The following GPC5 variants were observed in gnomAD, a reference collection of about 807,000 sequenced individuals.
The protein encoded by GPC5 is glypican-5.
In GPC5, 47 loss-of-function variants were observed where a neutral mutation model predicts 53.9. The ratio of observed to expected loss-of-function variants is 0.87; its 90% confidence interval spans 0.69 to 1.11. GPC5 has a LOEUF of 1.11. Ranked by LOEUF, GPC5 falls within the 50% of genes most tolerant of loss-of-function variation. The pLI is 0.00. For missense variants in GPC5, 748 were observed against 713.1 expected (o/e 1.05, Z -0.56); for synonymous variants, 286 against 263.3 (o/e 1.09, Z -0.84).
chr13:92,220,492 A>G (rs1379682064), intron 7 of GPC5, among the ~76,000 whole-genome samples: 2 of 152,216 alleles, frequency 1.3e-5, no homozygotes, highest in East Asian at 1.9e-4. Context: ...GTGAATCAAT[A>G]TAAGTCTAGG....
intron 2 of GPC5, among the ~76,000 whole-genome samples, chr13:91,452,712 A>C (rs1028321171): frequency 6.6e-6 from 1 of 152,088 alleles, no homozygotes; most frequent in African/African-American, 2.4e-5. Flanking sequence ...TATCCAGCTT[A>C]TATATTTTTC....
At chr13:91,927,273 G>A in intron 6 of GPC5, among the ~76,000 whole-genome samples, 1 of 152,204 alleles carries the variant, frequency 6.6e-6, no homozygotes, top group Non-Finnish European at 1.5e-5. Context: ...AACATTATCA[G>A]CAGAAAACCC....
intron 7 of GPC5, among the ~76,000 whole-genome samples, chr13:92,277,662 C>T (rs12873491): frequency 0.085 from 12,972 of 151,810 alleles, 616 homozygotes; most frequent in Middle Eastern, 0.12. Context: ...CTGTTGGCCC[C>T]TGTAAAATTA....
intron 7 of GPC5, among the ~76,000 whole-genome samples, chr13:92,409,724 C>T (rs977783011): frequency 6.6e-6 from 1 of 152,100 alleles, no homozygotes; most frequent in African/African-American, 2.4e-5. Flanking sequence ...GATGTATGCA[C>T]AAGATGTTCA....
intron 7 of GPC5, among the ~76,000 whole-genome samples, chr13:92,254,718 C>G (rs920903266): frequency 1.6e-4 from 24 of 152,136 alleles, no homozygotes; most frequent in African/African-American, 4.6e-4. Context: ...AACACATCTT[C>G]CTTCATATGG....
chr13:92,106,935 A>C (rs1003332931), intron 6 of GPC5, among the ~76,000 whole-genome samples: 5 of 152,064 alleles, frequency 3.3e-5, no homozygotes, highest in African/African-American at 1.2e-4. Context: ...CCTTCCTTTG[A>C]GACTACAGTA....
intron 7 of GPC5, among the ~76,000 whole-genome samples, chr13:92,838,650 T>A (rs1210031646): frequency 6.6e-6 from 1 of 151,994 alleles, no homozygotes; most frequent in African/African-American, 2.4e-5. Context: ...CCACAGATGA[T>A]CTTTACAACA....
At chr13:92,017,340 C>CT (rs1372911432) in intron 6 of GPC5, among the ~76,000 whole-genome samples, 13 of 152,152 alleles carry the variant, frequency 8.5e-5, no homozygotes, top group African/African-American at 2.9e-4. Flanking sequence ...AGAGCTGGCT[C>CT]TTTTTTTCTG....
chr13:91,576,252 A>C (rs778373426), intron 2 of GPC5, among the ~76,000 whole-genome samples: 1 of 152,006 alleles, frequency 6.6e-6, no homozygotes, highest in Non-Finnish European at 1.5e-5. Flanking sequence ...GTAGATTTTA[A>C]GTGTTCTTAT....
chr13:91,962,212 G>C lies in GPC5; in HGVS notation c.1401+54155G>C, dbSNP rs568957908. Among the ~76,000 whole-genome samples the C allele has an allele frequency of 2.2e-4, 34 of 152,208 alleles. No homozygotes were observed. The South Asian group carries it at 6.0e-3, about 27-fold the overall frequency. On this transcript the variant is annotated intron_variant, in intron 6 of 7. Coordinates refer to ENST00000377067, the MANE Select transcript of GPC5 (RefSeq NM_004466.6). ...AAAACAGGCTGAAGTGTGCTGAAGA[G>C]CTCCTGGGTGGCATGGCAGTGTTAG...
At chr13:91,578,429 C>T (rs1356552514) in intron 2 of GPC5, among the ~76,000 whole-genome samples, 6 of 152,114 alleles carry the variant, frequency 3.9e-5, no homozygotes, top group Non-Finnish European at 8.8e-5. Context: ...GAATTTACTA[C>T]CCCCTTTGTC....
intron 2 of GPC5, among the ~76,000 whole-genome samples, chr13:91,686,788 G>A (rs1221664476): frequency 6.6e-6 from 1 of 151,906 alleles, no homozygotes; most frequent in Non-Finnish European, 1.5e-5. Flanking sequence ...TTAATGCAGA[G>A]GGATACATGA....
At chr13:92,497,385 G>A (rs1654491240) in intron 7 of GPC5, among the ~76,000 whole-genome samples, 1 of 152,118 alleles carries the variant, frequency 6.6e-6, no homozygotes, top group African/African-American at 2.4e-5. Flanking sequence ...GCTTGTTTTT[G>A]TCAGGTTTGT....
chr13:92,192,219 T>G lies in GPC5; in HGVS notation c.1561+47230T>G, dbSNP rs147360634. 1.1e-3 allele frequency among the ~76,000 whole-genome samples: 171 copies of G among 152,290 alleles called. 1 individual carries two copies. The highest frequency in any genetic ancestry group is 7.0e-3 in the South Asian group (34 of 4,826). On this transcript the variant is annotated intron_variant, in intron 7 of 7. Coordinates refer to ENST00000377067, the MANE Select transcript of GPC5 (RefSeq NM_004466.6). The stretch of plus-strand genomic sequence containing the variant: ...AACGTACAATACCAAGAGCAAACCC[T>G]AATGTCAATTGATACTTTGGATGAT...
chr13:92,720,678 A>T (rs1435459019), intron 7 of GPC5, among the ~76,000 whole-genome samples: 1 of 152,148 alleles, frequency 6.6e-6, no homozygotes, highest in Non-Finnish European at 1.5e-5. Context: ...TCTTATAAAG[A>T]TTTACTTATT....
At chr13:92,450,709 A>G (rs1164424750) in intron 7 of GPC5, among the ~76,000 whole-genome samples, 1 of 152,234 alleles carries the variant, frequency 6.6e-6, no homozygotes, top group Non-Finnish European at 1.5e-5. Flanking sequence ...GCCAACATGC[A>G]GATTATACAT....
intron 7 of GPC5, among the ~76,000 whole-genome samples, chr13:92,259,849 C>T (rs1226300527): frequency 6.6e-6 from 1 of 152,142 alleles, no homozygotes; most frequent in African/African-American, 2.4e-5. Flanking sequence ...TCACCCTTAG[C>T]TTCTGGCTGT....
intron 2 of GPC5, among the ~76,000 whole-genome samples, chr13:91,487,742 T>C (rs956666682): frequency 6.6e-6 from 1 of 152,202 alleles, no homozygotes; most frequent in Non-Finnish European, 1.5e-5. Context: ...TACTTCTCCT[T>C]TATAGATCAG....
At chr13:92,185,235 T>A (rs1260283508) in intron 7 of GPC5, among the ~76,000 whole-genome samples, 2 of 152,202 alleles carry the variant, frequency 1.3e-5, no homozygotes, top group Admixed American at 6.5e-5. Context: ...CAGTTTTTTA[T>A]TCTGTTTTCT....
Sources: allele counts gnomAD v4.1 joint callset (sites outside exome capture counted in the v4.1 genomes callset), GRCh38; gene constraint gnomAD v4.1.1; transcripts MANE v1.5; gene names NCBI Gene and HGNC (gene_info 2026-07-23, HGNC 2026-07-21).